Variants in PDS5A observed in about 807,000 individuals in gnomAD.
The protein encoded by PDS5A is sister chromatid cohesion protein PDS5 homolog A.
PDS5A carries 42 observed loss-of-function variants against 167.1 expected under a neutral mutation model. The observed-to-expected ratio is 0.25, with a 90% CI of 0.20 to 0.33. The LOEUF is 0.33. Among genes scored for constraint, PDS5A ranks in the 10% least tolerant of loss-of-function variants. PDS5A has a pLI of 1.00. For missense variants in PDS5A, 1,033 were observed against 1,605.9 expected, an observed-to-expected ratio of 0.64 and a Z score of 6.10; for synonymous variants, 553 against 554.6, an observed-to-expected ratio of 1.00 and a Z score of 0.04.
rs574503115 is a variant in PDS5A at position 39,898,715 on chromosome 4, G to C, written c.1630+62C>G. 1.2e-5 allele frequency: 13 copies of C among 1,056,890 alleles called. No individual in the cohort carries two copies. In the South Asian group the frequency reaches 1.7e-4, roughly 14 times the overall value. The allele number at this position is 1,056,890 out of a possible 1,614,324, so 65.5% of individuals were successfully genotyped here. On this transcript the variant is annotated intron_variant, in intron 15 of 32. Transcript: ENST00000303538. Reference sequence around the variant, plus strand: ...TAACATTAAATCAGTAGTCCCACTGGGTAAATACTTTGTCTGCATTTACGT... The same window carrying C: ...TAACATTAAATCAGTAGTCCCACTGCGTAAATACTTTGTCTGCATTTACGT...
intron 17 of PDS5A, among the ~76,000 whole-genome samples, chr4:39,886,686 C>A (rs763324118): frequency 3.3e-5 from 5 of 151,392 alleles, no homozygotes; most frequent in Non-Finnish European, 7.4e-5. Flanking sequence ...GCACTCCAGC[C>A]TGGGCAACAA....
At chr4:39,908,830 CAG>C in intron 10 of PDS5A, 2 of 275,918 alleles carry the variant, frequency 7.2e-6, no homozygotes, top group Non-Finnish European at 1.4e-5. Context: ...GAGTTCATAC[CAG>C]CTTAGGCAAC....
chr4:39,844,308 C>T lies in PDS5A; in HGVS notation c.3548+348G>A, dbSNP rs1313956617. Among the ~76,000 whole-genome samples, 6 of 152,058 alleles carry T rather than the reference C, an allele frequency of 3.9e-5. No individual in the cohort carries two copies. The East Asian group carries it at 1.2e-3, about 29-fold the overall frequency. ...TGGCCAACATGGTGAAACACCGTCT[C>T]TACTAAAAATACAAAAATTAGCGGG... On this transcript the variant is annotated intron_variant, in intron 30 of 32. Transcript: ENST00000303538.
At chr4:39,974,108 C>A in intron 2 of PDS5A, 1 of 553,042 alleles carries the variant, frequency 1.8e-6, no homozygotes, top group South Asian at 1.4e-5. Flanking sequence ...GGCGACAGAG[C>A]GAGACTCTGT....
chr4:39,934,533 C>G (rs1426785755), intron 2 of PDS5A, among the ~76,000 whole-genome samples: 1 of 151,224 alleles, frequency 6.6e-6, no homozygotes, highest in African/African-American at 2.4e-5. Context: ...CTTGGTAAGT[C>G]TGTGTGAATT....
chr4:39,957,766 G>C (rs1458934927), intron 2 of PDS5A, among the ~76,000 whole-genome samples: 1 of 137,600 alleles, frequency 7.3e-6, no homozygotes, highest in Middle Eastern at 4.3e-3. Context: ...CAGCCTGGGC[G>C]ACAGTGTGAG....
chr4:39,897,585 G>A (rs989140629), intron 16 of PDS5A, among the ~76,000 whole-genome samples: 1 of 152,074 alleles, frequency 6.6e-6, no homozygotes, highest in African/African-American at 2.4e-5. Context: ...TTTTAGTAGA[G>A]ATGGGGTTTC....
chr4:39,887,906 A>G (rs1398037304), intron 17 of PDS5A, among the ~76,000 whole-genome samples: 3 of 151,744 alleles, frequency 2.0e-5, no homozygotes, highest in Admixed American at 1.3e-4. Flanking sequence ...ACAAAACAAA[A>G]AAACACCAGA....
chr4:39,950,394 A>G (rs1424189657), intron 2 of PDS5A, among the ~76,000 whole-genome samples: 3 of 151,620 alleles, frequency 2.0e-5, no homozygotes, highest in African/African-American at 7.3e-5. Context: ...GCCACTGTAT[A>G]CTTCAGCCTG....
chr4:39,825,824 C>T (rs949190105), intron 32 of PDS5A, among the ~76,000 whole-genome samples: 14 of 152,104 alleles, frequency 9.2e-5, no homozygotes, highest in Admixed American at 7.9e-4. Context: ...TGGTCTTCAA[C>T]TCCTGAGCTC....
chr4:39,929,989 G>A (rs1376787137), intron 2 of PDS5A, among the ~76,000 whole-genome samples: 7 of 150,896 alleles, frequency 4.6e-5, no homozygotes, highest in Non-Finnish European at 1.0e-4. Context: ...GCCGAGGCGG[G>A]CAGATCACGA....
chr4:39,976,457 T>A lies in PDS5A; in HGVS notation c.121A>T (p.Met41Leu), dbSNP rs1731092420. 4 of 1,612,816 alleles carry A rather than the reference T, an allele frequency of 2.5e-6. No homozygotes were observed. The East Asian group carries it at 8.9e-5, about 36-fold the overall frequency. ...ACACTTACCTTCAGGCGTTTGATCA[T>A]CTCGTCCGTGGTGATCTTGTCGGTG... ...EITDKITTDEMIKRLKMVVKT... is the reference protein window; with the variant it reads ...EITDKITTDELIKRLKMVVKT... Residue 41 changes from methionine to leucine, a missense_variant, in exon 2 of 33, where the codon ATG becomes TTG. Transcript: ENST00000303538.
intron 2 of PDS5A, among the ~76,000 whole-genome samples, chr4:39,958,382 C>T (rs1729162945): frequency 6.6e-6 from 1 of 151,266 alleles, no homozygotes; most frequent in Admixed American, 6.6e-5. Context: ...TGGTGTGCGC[C>T]TGTAGTACCA....
chr4:39,906,945 A>C (rs1274530735), intron 11 of PDS5A, among the ~76,000 whole-genome samples: 1 of 149,010 alleles, frequency 6.7e-6, no homozygotes, highest in Non-Finnish European at 1.5e-5. Context: ...AAAAAAAAAC[A>C]AGCAATAAAA....
chr4:39,968,844 C>T (rs1346402883), intron 2 of PDS5A, among the ~76,000 whole-genome samples: 1 of 151,688 alleles, frequency 6.6e-6, no homozygotes, highest in Non-Finnish European at 1.5e-5. Context: ...GGCGTGATCT[C>T]GGCTCACTGC....
Position 39,937,341 on chromosome 4 carries a change from G to C in PDS5A, c.139-9177C>G, listed in dbSNP as rs942228310. ...ACAAAGATCAGATCGATTATTATAT[G>C]TCATATAATTTAAATATGTCCAAAT... On this transcript the variant is annotated intron_variant, in intron 2 of 32. Coordinates refer to ENST00000303538, the MANE Select transcript of PDS5A (RefSeq NM_001100399.2). Among the ~76,000 whole-genome samples the C allele has an allele frequency of 8.5e-5, 12 of 141,814 alleles. No individual in the cohort carries two copies. In the Admixed American group the frequency reaches 8.9e-4, roughly 11 times the overall value. 93.0% of individuals were successfully genotyped at this position (141,814 alleles called of 152,430 possible). A position where few individuals can be genotyped will look rare whatever the true frequency, so the allele number is the denominator to read the frequency against.
At chr4:39,921,036 T>C (rs1386806968) in intron 6 of PDS5A, among the ~76,000 whole-genome samples, 1 of 152,198 alleles carries the variant, frequency 6.6e-6, no homozygotes. Flanking sequence ...CATTGCTATA[T>C]CTTGAAGTTT....
chr4:39,918,194 A>AAC (rs1337459626), intron 7 of PDS5A, among the ~76,000 whole-genome samples: 1 of 151,520 alleles, frequency 6.6e-6, no homozygotes, highest in East Asian at 1.9e-4. Context: ...AAAAAAAAAA[A>AAC]AAAAAAACAG....
intron 2 of PDS5A, among the ~76,000 whole-genome samples, chr4:39,933,967 G>A (rs1444955738): frequency 1.3e-5 from 2 of 152,178 alleles, no homozygotes; most frequent in Non-Finnish European, 2.9e-5. Context: ...GGAGTGAGCT[G>A]TTGTGTGTAT....
Sources: allele counts gnomAD v4.1 joint callset (sites outside exome capture counted in the v4.1 genomes callset), GRCh38; gene constraint gnomAD v4.1.1; transcripts MANE v1.5; gene names NCBI Gene and HGNC (gene_info 2026-07-23, HGNC 2026-07-21).